RGS6: variants seen among roughly 807,000 people sequenced by gnomAD.
RGS6 encodes regulator of G-protein signaling 6.
Under a neutral mutation model 78.5 loss-of-function variants are expected in RGS6, and 30 were observed. The ratio of observed to expected loss-of-function variants is 0.38; its 90% CI spans 0.29 to 0.52. The LOEUF (loss-of-function observed/expected upper bound fraction) is 0.52. Ranked by LOEUF, RGS6 falls within the 20% of genes least tolerant of loss-of-function variation. The pLI is 0.85. For missense variants in RGS6, 495 were observed against 609.7 expected, an observed-to-expected ratio of 0.81 and a Z score of 1.98; for synonymous variants, 206 against 206.0, an observed-to-expected ratio of 1.00 and a Z score of 0.00.
At chr14:72,395,530 C>T (rs767913583) in intron 3 of RGS6, among the ~76,000 whole-genome samples, 2 of 151,918 alleles carry the variant, frequency 1.3e-5, no homozygotes, top group African/African-American at 2.4e-5. Flanking sequence ...TACTATCCAA[C>T]ATAATTATTT....
At chr14:72,110,640 A>G (rs2095738801) in intron 2 of RGS6, among the ~76,000 whole-genome samples, 2 of 152,224 alleles carry the variant, frequency 1.3e-5, no homozygotes, top group Admixed American at 1.3e-4. Flanking sequence ...AAACATGGAC[A>G]TTCTTATGCC....
chr14:72,327,503 A>C (rs1020419232), intron 2 of RGS6, among the ~76,000 whole-genome samples: 6 of 152,268 alleles, frequency 3.9e-5, no homozygotes, highest in Non-Finnish European at 7.3e-5. Context: ...GTCATACCTG[A>C]ATGGTTTAAA....
intron 2 of RGS6, among the ~76,000 whole-genome samples, chr14:72,192,382 G>A (rs902959899): frequency 3.9e-5 from 6 of 152,158 alleles, no homozygotes; most frequent in African/African-American, 1.4e-4. Flanking sequence ...AGAAGCCAAG[G>A]AGGAAAGTGA....
chr14:71,895,489 G>A, the RGS6 span, among the ~76,000 whole-genome samples: 32 of 152,072 alleles, frequency 2.1e-4, no homozygotes, highest in Admixed American at 1.7e-3. Context: ...AACCAGCCTC[G>A]ACTGTATATT....
intron 2 of RGS6, among the ~76,000 whole-genome samples, chr14:72,245,885 T>G (rs925535187): frequency 6.6e-6 from 1 of 152,226 alleles, no homozygotes; most frequent in Admixed American, 6.5e-5. Context: ...AAGGTCTGTA[T>G]GTTCACATTC....
At chr14:72,393,715 T>C (rs1282051402) in intron 3 of RGS6, among the ~76,000 whole-genome samples, 3 of 152,188 alleles carry the variant, frequency 2.0e-5, no homozygotes, top group Non-Finnish European at 2.9e-5. Flanking sequence ...ATATAGGTAG[T>C]GAGACTGATG....
At chr14:72,534,134 G>A (rs1171561816) in intron 15 of RGS6, among the ~76,000 whole-genome samples, 6 of 152,144 alleles carry the variant, frequency 3.9e-5, no homozygotes, top group South Asian at 2.1e-4. Context: ...CTCGGCCTTC[G>A]GCAATCACCA....
the RGS6 span, among the ~76,000 whole-genome samples, chr14:71,874,841 T>A: frequency 6.6e-6 from 1 of 152,326 alleles, no homozygotes; most frequent in Non-Finnish European, 1.5e-5. Context: ...TATTGAAAGT[T>A]TTTAGCATGA....
At chr14:72,521,517 C>T (rs1461471236) in intron 15 of RGS6, among the ~76,000 whole-genome samples, 1 of 152,180 alleles carries the variant, frequency 6.6e-6, no homozygotes. Context: ...TTTCCAAGTA[C>T]TTCTAAATAC....
At chr14:72,618,080 C>A in the RGS6 span, among the ~76,000 whole-genome samples, 1 of 151,912 alleles carries the variant, frequency 6.6e-6, no homozygotes, top group Non-Finnish European at 1.5e-5. Flanking sequence ...AAACAAGAGT[C>A]CTGCATGTTT....
chr14:72,194,611 C>G (rs2039558651), intron 2 of RGS6, among the ~76,000 whole-genome samples: 1 of 152,194 alleles, frequency 6.6e-6, no homozygotes, highest in Non-Finnish European at 1.5e-5. Flanking sequence ...ATCCTCCCAC[C>G]TTGGCCTTCC....
At chr14:72,117,675 C>T (rs1403345458) in intron 2 of RGS6, among the ~76,000 whole-genome samples, 3 of 152,170 alleles carry the variant, frequency 2.0e-5, no homozygotes, top group Non-Finnish European at 4.4e-5. Context: ...GGACCTTGTG[C>T]ATGGGTCATG....
At chr14:72,051,260 A>G (rs1222674437) in intron 2 of RGS6, among the ~76,000 whole-genome samples, 1 of 152,194 alleles carries the variant, frequency 6.6e-6, no homozygotes, top group Non-Finnish European at 1.5e-5. Flanking sequence ...AATTCTAGAC[A>G]AGCACAAGCA....
chr14:72,123,142 T>G (rs1426110948), intron 2 of RGS6, among the ~76,000 whole-genome samples: 1 of 152,164 alleles, frequency 6.6e-6, no homozygotes, highest in Non-Finnish European at 1.5e-5. Context: ...AATTTTGTAT[T>G]TTTTAGTAGA....
intron 2 of RGS6, among the ~76,000 whole-genome samples, chr14:72,010,556 C>T (rs2085463617): frequency 6.6e-6 from 1 of 152,196 alleles, no homozygotes; most frequent in African/African-American, 2.4e-5. Flanking sequence ...CTGTGGCACA[C>T]TTCTTGCTAG....
upstream of RGS6, among the ~76,000 whole-genome samples, chr14:71,929,720 C>G (rs1426870392): frequency 1.3e-5 from 2 of 152,090 alleles, no homozygotes; most frequent in African/African-American, 4.8e-5. Flanking sequence ...ATGGTGGTTG[C>G]CAAATGGTGG....
At chr14:72,259,467 C>T (rs778271188) in intron 2 of RGS6, among the ~76,000 whole-genome samples, 3 of 152,048 alleles carry the variant, frequency 2.0e-5, no homozygotes, top group Admixed American at 6.6e-5. Flanking sequence ...CTCAGCAGTA[C>T]GCTTCATAAG....
the RGS6 span, among the ~76,000 whole-genome samples, chr14:72,585,391 G>T: frequency 6.6e-6 from 1 of 152,270 alleles, no homozygotes; most frequent in South Asian, 2.1e-4. Flanking sequence ...ACATAATGAG[G>T]TGTATTAGAA....
intron 2 of RGS6, among the ~76,000 whole-genome samples, chr14:72,004,304 C>T (rs1444669852): frequency 2.0e-5 from 3 of 152,072 alleles, no homozygotes; most frequent in African/African-American, 4.8e-5. Context: ...GGATGGTGCA[C>T]CTGGGTGGCT....
Sources: allele counts gnomAD v4.1 joint callset (sites outside exome capture counted in the v4.1 genomes callset), GRCh38; gene constraint gnomAD v4.1.1; transcripts MANE v1.5; gene names NCBI Gene and HGNC (gene_info 2026-07-23, HGNC 2026-07-21).